DIP2C: variants seen among roughly 807,000 people sequenced by gnomAD.
DIP2C encodes the protein DIP2 acetate--CoA ligase C (putative), also known as disco-interacting protein 2 homolog C.
DIP2C carries 33 observed loss-of-function variants against 192.4 expected under a neutral mutation model. The observed-to-expected ratio is 0.17, with a 90% CI of 0.13 to 0.23. The LOEUF (loss-of-function observed/expected upper bound fraction) is 0.23. DIP2C is among the 10% of genes least tolerant of loss of function. The probability of loss-of-function intolerance (pLI) is 1.00; values close to 1 mark genes in which losing one functional copy is unlikely to be tolerated. For missense variants in DIP2C, 1,537 were observed against 2,110.1 expected (o/e 0.73, Z 5.32); for synonymous variants, 979 against 864.1 (o/e 1.13, Z -2.33).
intron 31 of DIP2C, among the ~76,000 whole-genome samples, chr10:310,423 G>A (rs975891843): frequency 1.3e-5 from 2 of 152,250 alleles, no homozygotes; most frequent in Non-Finnish European, 2.9e-5. Context: ...CAGGTTGGAA[G>A]GATATGAAGC....
At chr10:495,965 T>C (rs1844799015) in intron 1 of DIP2C, among the ~76,000 whole-genome samples, 1 of 144,916 alleles carries the variant, frequency 6.9e-6, no homozygotes, top group Admixed American at 7.0e-5. Flanking sequence ...ACTTAAAATC[T>C]CTCCATTACT....
At chr10:550,220 G>A (rs867335985) in intron 1 of DIP2C, among the ~76,000 whole-genome samples, 1 of 152,084 alleles carries the variant, frequency 6.6e-6, no homozygotes, top group African/African-American at 2.4e-5. Flanking sequence ...ATGTTGGCCA[G>A]GCTGGTCTCG....
chr10:689,194 G>A lies in DIP2C; in HGVS notation c.85+300C>T, dbSNP rs1301570964. On this transcript the variant is annotated intron_variant, in intron 1 of 36. Transcript: ENST00000280886. The surrounding 1 kb of genome is among the most constrained non-coding windows in gnomAD (Gnocchi z 6.1). ...GCCCCACAAACATCCCAGGGCGCGG[G>A]GGATCGCGGCCCCACAAACACCCCC... Among the ~76,000 whole-genome samples, 2 of 151,632 alleles carry A rather than the reference G, an allele frequency of 1.3e-5. No homozygotes were observed. The highest frequency in any genetic ancestry group is 2.9e-5 in the Non-Finnish European group (2 of 67,822).
At chr10:356,160 A>T (rs1414439040) in intron 24 of DIP2C, 2 of 576,134 alleles carry the variant, frequency 3.5e-6, no homozygotes, top group African/African-American at 1.9e-5. Flanking sequence ...TCTCTCTTGC[A>T]GATATCATTA....
intron 32 of DIP2C, among the ~76,000 whole-genome samples, chr10:293,673 C>T (rs952980239): frequency 2.6e-5 from 4 of 152,226 alleles, no homozygotes; most frequent in African/African-American, 9.6e-5. Context: ...ATTTTAATAT[C>T]TTGCCACTTA....
chr10:456,769 G>A (rs748589074), intron 3 of DIP2C, among the ~76,000 whole-genome samples: 9 of 152,180 alleles, frequency 5.9e-5, no homozygotes, highest in Admixed American at 1.3e-4. Context: ...TCCCTTCCAC[G>A]ACGATTTTTG....
intron 31 of DIP2C, among the ~76,000 whole-genome samples, chr10:314,542 C>T (rs1200021881): frequency 6.6e-6 from 1 of 152,234 alleles, no homozygotes; most frequent in Non-Finnish European, 1.5e-5. Flanking sequence ...TGCACCGGAT[C>T]ACCCAGCAGC....
At chr10:582,142 G>A (rs1222402811) in intron 1 of DIP2C, among the ~76,000 whole-genome samples, 1 of 152,082 alleles carries the variant, frequency 6.6e-6, no homozygotes, top group African/African-American at 2.4e-5. Flanking sequence ...TCACTCACCG[G>A]CCACCCACCC....
At chr10:348,388 G>C (rs530673991) in intron 26 of DIP2C, among the ~76,000 whole-genome samples, 6 of 152,290 alleles carry the variant, frequency 3.9e-5, no homozygotes, top group African/African-American at 1.4e-4. Flanking sequence ...CCCTCTCTTG[G>C]GAGCCGTTTT....
chr10:661,237 A>G (rs1294009059), intron 1 of DIP2C, among the ~76,000 whole-genome samples: 2 of 152,188 alleles, frequency 1.3e-5, no homozygotes, highest in Non-Finnish European at 2.9e-5. Context: ...GTCCCTGAAC[A>G]GAGAGAGAAG....
At chr10:364,792 T>TCCG (rs1232414502) in intron 19 of DIP2C, among the ~76,000 whole-genome samples, 4 of 152,112 alleles carry the variant, frequency 2.6e-5, no homozygotes, top group South Asian at 4.1e-4. Flanking sequence ...CAGGACCCCA[T>TCCG]CCGTTCCTGC....
chr10:491,889 G>C (rs889022275), intron 1 of DIP2C, among the ~76,000 whole-genome samples: 2 of 152,170 alleles, frequency 1.3e-5, no homozygotes, highest in African/African-American at 2.4e-5. Flanking sequence ...TCAGGGGAGG[G>C]AGGCAAAGAA....
chr10:404,934 G>A (rs965181186), intron 9 of DIP2C, among the ~76,000 whole-genome samples: 1 of 152,196 alleles, frequency 6.6e-6, no homozygotes, highest in Non-Finnish European at 1.5e-5. Flanking sequence ...TTGATATGGT[G>A]AACAAACAGT....
rs1313517716 is a variant in DIP2C, at chr10:558,451, T to TCA, written c.86-71923_86-71922dup. 7.9e-5 allele frequency among the ~76,000 whole-genome samples: 12 copies of TCA among 152,224 alleles called. No homozygotes were observed. The East Asian group carries it at 2.1e-3, about 27-fold the overall frequency. ...ATGCGTAAAGGAAGGTGCAGTTGTA[T>TCA]CACCACGAGCTGGGGGAACAAAGGC... is the stretch of plus-strand genomic sequence containing the variant. On this transcript the variant is annotated intron_variant, in intron 1 of 36. Coordinates refer to ENST00000280886, the MANE Select transcript of DIP2C (RefSeq NM_014974.3).
chr10:494,598 C>T (rs778688799), intron 1 of DIP2C, among the ~76,000 whole-genome samples: 11 of 152,008 alleles, frequency 7.2e-5, no homozygotes, highest in Non-Finnish European at 1.5e-4. Context: ...AAGCAAAGCT[C>T]AGAGAGAGGT....
At chr10:388,131 A>T (rs549493523) in intron 13 of DIP2C, among the ~76,000 whole-genome samples, 1 of 152,132 alleles carries the variant, frequency 6.6e-6, no homozygotes, top group African/African-American at 2.4e-5. Flanking sequence ...TCACTTCCTC[A>T]TGAGTCTCCC....
intron 10 of DIP2C, among the ~76,000 whole-genome samples, chr10:396,241 C>A (rs138300620): frequency 3.2e-4 from 49 of 152,334 alleles, no homozygotes; most frequent in African/African-American, 1.1e-3. Context: ...CGTTTCATGG[C>A]TGAAATAAAT....
At chr10:646,151 C>G (rs1160415428) in intron 1 of DIP2C, among the ~76,000 whole-genome samples, 1 of 152,172 alleles carries the variant, frequency 6.6e-6, no homozygotes, top group Non-Finnish European at 1.5e-5. Flanking sequence ...AACGCATGCT[C>G]GAGGCCTCCA....
chr10:333,417 C>A (rs1243065114), intron 29 of DIP2C, among the ~76,000 whole-genome samples: 3 of 152,182 alleles, frequency 2.0e-5, no homozygotes, highest in Non-Finnish European at 4.4e-5. Context: ...ACTTTGTTTA[C>A]AAATTTGCCT....
Sources: allele counts gnomAD v4.1 joint callset (sites outside exome capture counted in the v4.1 genomes callset), GRCh38; gene constraint gnomAD v4.1.1; non-coding constraint Gnocchi (gnomAD v3.1); transcripts MANE v1.5; gene names NCBI Gene and HGNC (gene_info 2026-07-23, HGNC 2026-07-21).